The following LMTK2 variants were observed in gnomAD, a reference collection of about 807,000 sequenced individuals.
The protein encoded by LMTK2 is serine/threonine-protein kinase LMTK2.
A neutral mutation model predicts 127.5 loss-of-function variants in LMTK2; 37 were observed. That is an observed-to-expected ratio of 0.29 (90% CI 0.22 to 0.38). LMTK2 has a LOEUF of 0.38. Among genes scored for constraint, LMTK2 ranks in the 10% least tolerant of loss-of-function variants. The probability of loss-of-function intolerance (pLI) is 1.00; values close to 1 mark genes in which losing one functional copy is unlikely to be tolerated. For synonymous variants in LMTK2, 819 were observed against 810.1 expected (o/e 1.01, Z -0.19); for missense variants, 1,694 against 1,920.3 (o/e 0.88, Z 2.20).
chr7:98,120,098 G>T (rs1235697694), intron 1 of LMTK2, among the ~76,000 whole-genome samples: 1 of 152,162 alleles, frequency 6.6e-6, no homozygotes, highest in African/African-American at 2.4e-5. Context: ...ATAATCATCA[G>T]TCGGGTTTGA....
chr7:98,138,451 A>G (rs1187238398), intron 2 of LMTK2, among the ~76,000 whole-genome samples: 3 of 152,202 alleles, frequency 2.0e-5, no homozygotes, highest in Non-Finnish European at 4.4e-5. Flanking sequence ...GGCCGTATAC[A>G]CACAGAGGGC....
chr7:98,147,458 C>A (rs1168926403), intron 3 of LMTK2, among the ~76,000 whole-genome samples: 2 of 152,168 alleles, frequency 1.3e-5, no homozygotes, highest in African/African-American at 4.8e-5. Flanking sequence ...CTTCTGGGCT[C>A]AAGCAGTCCT....
chr7:98,201,166 A>G (rs572061576), intron 11 of LMTK2, among the ~76,000 whole-genome samples: 1 of 151,544 alleles, frequency 6.6e-6, no homozygotes, highest in African/African-American at 2.4e-5. Flanking sequence ...TTCTGTGTTG[A>G]TAATTGTTTT....
Position 98,151,486 on chromosome 7 carries a change from C to T in LMTK2, c.450+31C>T, listed in dbSNP as rs1208539964. The T allele has an allele frequency of 2.0e-6, 3 of 1,508,814 alleles. No homozygotes were observed. In the Admixed American group the frequency reaches 5.0e-5, roughly 25 times the overall value. The allele number at this position is 1,508,814 out of a possible 1,614,324, so 93.5% of individuals were successfully genotyped here. On this transcript the variant is annotated intron_variant, in intron 4 of 13. Coordinates refer to ENST00000297293, the MANE Select transcript of LMTK2 (RefSeq NM_014916.4). The stretch of plus-strand genomic sequence containing the variant: ...ATGCTCTTCACTTGCATTTGTTTTC[C>T]TCTGAATGATACTGTGTTCAGTGCA...
In LMTK2 at chr7:98,209,499, CT is replaced by C. The variant is rs1194875528; in HGVS notation, c.*4010del. 1 of 152,144 alleles carries C rather than the reference CT, an allele frequency of 6.6e-6. No individual in the cohort carries two copies. The highest frequency in any genetic ancestry group is 6.5e-5 in the Admixed American group (1 of 15,280). The allele number at this position is 152,144 out of a possible 1,614,324, so 9.4% of individuals were successfully genotyped here. A position where few individuals can be genotyped will look rare whatever the true frequency, so the allele number is the denominator to read the frequency against. On this transcript the variant is annotated 3_prime_UTR_variant, in exon 14 of 14. Transcript: ENST00000297293. ...TCATGGCAATATAATAGTCAATGAA[CT>C]TTCAGTTTAAATTGTGTACATTTTT...
chr7:98,160,537 T>C (rs2116402937), intron 6 of LMTK2, among the ~76,000 whole-genome samples: 1 of 152,316 alleles, frequency 6.6e-6, no homozygotes, highest in South Asian at 2.1e-4. Context: ...TCAGTGTTTT[T>C]TCGTGCCTGT....
At position 98,193,408 on chromosome 7, in the gene LMTK2, C is replaced by T; in HGVS notation, c.2943C>T (p.Asp981=). Residue 981 remains aspartate (D), a synonymous_variant, in exon 11 of 14, where the codon GAC becomes GAT. Coordinates refer to ENST00000297293, the MANE Select transcript of LMTK2 (RefSeq NM_014916.4). The surrounding 1 kb of genome is among the most constrained non-coding windows in gnomAD (Gnocchi z 4.1). ...CCAGTCAGGACAGCCTCCTGGAGGA[C>T]AGCTTGTCAGCACCCTTCCCAGCCT... The part of the protein sequence containing the change: ...DSTSQDSLLE[D]SLSAPFPASE... 6.2e-7 allele frequency: 1 copy of T among 1,614,176 alleles called. No homozygotes were observed. The highest frequency in any genetic ancestry group is 1.3e-5 in the African/African-American group (1 of 75,056).
chr7:98,193,901 C>T lies in LMTK2; in HGVS notation c.3436C>T (p.Pro1146Ser), dbSNP rs199790514. 1.2e-6 allele frequency: 2 copies of T among 1,614,126 alleles called. No homozygotes were observed. The highest frequency in any genetic ancestry group is 2.2e-5 in the East Asian group (1 of 44,888). The change falls in exon 11 of 14, where the codon CCT (proline) becomes TCT (serine). Residue 1146 changes from proline to serine, a missense_variant. This residue lies in a region of LMTK2 where 554 missense variants were observed against 567.7 expected (regional missense o/e 0.98). Transcript: ENST00000297293. The surrounding 1 kb of genome is among the most constrained non-coding windows in gnomAD (Gnocchi z 4.1). ...LPEPVLPEQS[P>S]AAQDSCLEAR... is the part of the protein sequence containing the mutation. The stretch of plus-strand genomic sequence containing the variant: ...CGAGCCAGTCCTCCCCGAGCAAAGT[C>T]CTGCTGCCCAGGATAGCTGCCTGGA...
At chr7:98,170,316 C>A (rs1584277228) in intron 6 of LMTK2, among the ~76,000 whole-genome samples, 1 of 152,284 alleles carries the variant, frequency 6.6e-6, no homozygotes, top group East Asian at 1.9e-4. Context: ...ATGTAAAGAT[C>A]TTGGAAACTG....
At chr7:98,197,462 C>T (rs530193107) in intron 11 of LMTK2, among the ~76,000 whole-genome samples, 18 of 152,372 alleles carry the variant, frequency 1.2e-4, no homozygotes, top group Admixed American at 1.1e-3. Flanking sequence ...TGTCCTTCCT[C>T]AGTGCACAGT....
At chr7:98,143,535 A>G (rs1796727601) in intron 3 of LMTK2, among the ~76,000 whole-genome samples, 1 of 152,248 alleles carries the variant, frequency 6.6e-6, no homozygotes, top group Admixed American at 6.5e-5. Context: ...CAAATGGCCA[A>G]TAAACATAGT....
intron 7 of LMTK2, among the ~76,000 whole-genome samples, chr7:98,178,868 G>A (rs983026323): frequency 1.3e-5 from 2 of 152,256 alleles, no homozygotes; most frequent in African/African-American, 2.4e-5. Context: ...CTGTTGTTTC[G>A]TGAGGAAACT....
chr7:98,153,435 G>C (rs574903915), intron 4 of LMTK2, among the ~76,000 whole-genome samples: 1 of 152,308 alleles, frequency 6.6e-6, no homozygotes, highest in South Asian at 2.1e-4. Flanking sequence ...GGAGAATGAG[G>C]ATTCAGCAGC....
Position 98,107,273 on chromosome 7 carries a change from A to T in LMTK2, c.96A>T (p.Thr32=), listed in dbSNP as rs892096933. The T allele has an allele frequency of 7.2e-7, 1 of 1,379,658 alleles. No homozygotes were observed. Among genetic ancestry groups the T allele is most frequent in the Non-Finnish European group, 9.3e-7 (1 of 1,070,958 alleles). The allele number at this position is 1,379,658 out of a possible 1,614,324, so 85.5% of individuals were successfully genotyped here. ...GSAGAAPLPQ[T]GAGEAPPAAE... ...CTGGGGCCGCGCCACTTCCGCAAAC[A>T]GGTGCAGGTGAGCGGGCCCGCGGCG... is the stretch of plus-strand genomic sequence containing the variant. The change falls in exon 1 of 14, where the codon ACA becomes ACT. Residue 32 remains threonine (T), a synonymous_variant. Transcript: ENST00000297293.
chr7:98,140,134 C>CA (rs1187890303), intron 2 of LMTK2, among the ~76,000 whole-genome samples: 4 of 18,154 alleles, frequency 2.2e-4, no homozygotes, highest in African/African-American at 8.2e-4. Context: ...TTCTTTCTTT[C>CA]TTTCTTTCTT....
intron 1 of LMTK2, among the ~76,000 whole-genome samples, chr7:98,134,284 C>T (rs1796567777): frequency 6.6e-6 from 1 of 152,182 alleles, no homozygotes; most frequent in Admixed American, 6.5e-5. Context: ...TAGTTTTGTA[C>T]CATTAAAAAG....
intron 1 of LMTK2, among the ~76,000 whole-genome samples, chr7:98,116,432 G>T (rs567899850): frequency 1.3e-5 from 2 of 150,078 alleles, no homozygotes; most frequent in African/African-American, 5.1e-5. Flanking sequence ...GTGCGTGTGT[G>T]TGTGTGTTTG....
chr7:98,140,176 CTTTTCTTT>C (rs1796670514), intron 2 of LMTK2, among the ~76,000 whole-genome samples: 1 of 10,786 alleles, frequency 9.3e-5, no homozygotes, highest in Non-Finnish European at 2.2e-4. Context: ...TCTTTTCTTT[CTTTTCTTT>C]CTTCTTTCTG....
At chr7:98,130,650 A>G (rs908649295) in intron 1 of LMTK2, among the ~76,000 whole-genome samples, 5 of 152,134 alleles carry the variant, frequency 3.3e-5, no homozygotes, top group Non-Finnish European at 7.3e-5. Flanking sequence ...ATATATAGGA[A>G]GAGGAAATTT....
Sources: allele counts gnomAD v4.1 joint callset (sites outside exome capture counted in the v4.1 genomes callset), GRCh38; gene constraint gnomAD v4.1.1; regional missense constraint gnomAD v4.1.1; non-coding constraint Gnocchi (gnomAD v3.1); transcripts MANE v1.5; gene names NCBI Gene and HGNC (gene_info 2026-07-23, HGNC 2026-07-21).